The following CACNA1E variants were observed in gnomAD, a reference collection of about 807,000 sequenced individuals.
The protein encoded by CACNA1E is calcium voltage-gated channel subunit alpha1 E, also known as voltage-dependent R-type calcium channel subunit alpha-1E.
CACNA1E carries 40 observed loss-of-function variants against 259.2 expected under a neutral mutation model. The ratio of observed to expected loss-of-function variants is 0.15; its 90% CI spans 0.12 to 0.20. The LOEUF is 0.20. Ranked by LOEUF, CACNA1E falls within the 10% of genes least tolerant of loss-of-function variation. CACNA1E has a pLI of 1.00. For synonymous variants in CACNA1E, 1,104 were observed against 1,138.5 expected (o/e 0.97, Z 0.61); for missense variants, 1,874 against 3,040.1 (o/e 0.62, Z 9.02).
rs148344403 is a variant in CACNA1E at position 181,457,609 on chromosome 1, CACA to C, written c.435-26130_435-26128del. On this transcript the variant is annotated intron_variant, in intron 2 of 11. Transcript: ENST00000524607. ...AGCCTAGCAGATTTCATGTGCTAGG[CACA>C]ACAAGCAGGGCTGGCAGCCATAGCT... 7.0e-3 allele frequency among the ~76,000 whole-genome samples: 1,064 copies of C among 152,244 alleles called. 14 individuals carry two copies. The highest frequency in any genetic ancestry group is 0.022 in the African/African-American group (899 of 41,528).
intron 7 of CACNA1E, among the ~76,000 whole-genome samples, chr1:181,694,262 G>A (rs7534843): frequency 0.16 from 23,902 of 152,150 alleles, 2,010 homozygotes; most frequent in South Asian, 0.25. Context: ...AAAGCATACA[G>A]CACCTTAATA....
intron 7 of CACNA1E, among the ~76,000 whole-genome samples, chr1:181,656,750 G>C (rs1659239544): frequency 2.0e-5 from 3 of 152,028 alleles, no homozygotes; most frequent in Non-Finnish European, 2.9e-5. Context: ...AGTGCTCTAC[G>C]GTGTACCATT....
At chr1:181,329,748 T>C (rs1651094539) in intron 1 of CACNA1E, among the ~76,000 whole-genome samples, 2 of 152,186 alleles carry the variant, frequency 1.3e-5, no homozygotes. Flanking sequence ...TATAGCATCC[T>C]ACAGTTTTAT....
intron 6 of CACNA1E, among the ~76,000 whole-genome samples, chr1:181,596,583 TG>T: frequency 6.6e-6 from 1 of 151,718 alleles, no homozygotes; most frequent in Non-Finnish European, 1.5e-5. Context: ...TGTGTGTGTG[TG>T]TGTGTGTGTG....
chr1:181,656,025 C>T (rs771654810), intron 7 of CACNA1E, among the ~76,000 whole-genome samples: 8 of 152,026 alleles, frequency 5.3e-5, no homozygotes, highest in South Asian at 2.1e-4. Flanking sequence ...GTTGTGGTGA[C>T]GCTGGTGTAA....
intron 2 of CACNA1E, among the ~76,000 whole-genome samples, chr1:181,478,413 T>C (rs1663005688): frequency 1.3e-5 from 2 of 152,146 alleles, no homozygotes; most frequent in Non-Finnish European, 2.9e-5. Flanking sequence ...GCCACCAGAC[T>C]CCCAAGATGT....
At chr1:181,558,590 C>A (rs1156561344) in intron 3 of CACNA1E, among the ~76,000 whole-genome samples, 2 of 152,136 alleles carry the variant, frequency 1.3e-5, no homozygotes, top group Non-Finnish European at 2.9e-5. Context: ...AATGTGAAAG[C>A]TGGGCACCTG....
intron 1 of CACNA1E, among the ~76,000 whole-genome samples, chr1:181,347,756 C>T (rs1205071556): frequency 6.6e-6 from 1 of 152,246 alleles, no homozygotes; most frequent in African/African-American, 2.4e-5. Flanking sequence ...AAGTGGGCCT[C>T]AGCCTGCTGG....
intron 3 of CACNA1E, among the ~76,000 whole-genome samples, chr1:181,530,650 T>C (rs1382447924): frequency 6.6e-6 from 1 of 152,244 alleles, no homozygotes; most frequent in African/African-American, 2.4e-5. Context: ...CTAAATGGAA[T>C]GGCATATGTG....
intron 25 of CACNA1E, among the ~76,000 whole-genome samples, chr1:181,740,989 C>T (rs1656517683): frequency 6.6e-6 from 1 of 152,182 alleles, no homozygotes; most frequent in East Asian, 1.9e-4. Context: ...CCTAAGGAGA[C>T]CCACCTTTTT....
At position 181,791,237 on chromosome 1, in the gene CACNA1E, C is replaced by T. The variant is rs373452999; in HGVS notation, c.5898+681C>T. Among the ~76,000 whole-genome samples, 3 of 152,288 alleles carry T rather than the reference C, an allele frequency of 2.0e-5. No homozygotes were observed. The East Asian group carries it at 5.8e-4, about 29-fold the overall frequency. Reference sequence around the variant, plus strand: ...CTGTAATCCCAGTACTTTGGGAGGCCAAGGCGGGCAGATCATGAGGTCAGG... The same window carrying T: ...CTGTAATCCCAGTACTTTGGGAGGCTAAGGCGGGCAGATCATGAGGTCAGG... On this transcript the variant is annotated intron_variant, in intron 44 of 47. Transcript: ENST00000367573.
chr1:181,789,151 G>A (rs559832705), intron 43 of CACNA1E, among the ~76,000 whole-genome samples: 1 of 152,360 alleles, frequency 6.6e-6, no homozygotes, highest in South Asian at 2.1e-4. Context: ...GTGAAACACA[G>A]TGCAAAGCCG....
rs397861970 is a variant in CACNA1E, at chr1:181,590,401, C to CA, written c.951+9641dup. On this transcript the variant is annotated intron_variant, in intron 6 of 47. Transcript: ENST00000367573. ...GGCAGCAGAGTAGTGGAGTCAATTA[C>CA]AAAAAAAAAAAAAAAATATATATAT... is the stretch of plus-strand genomic sequence containing the variant. 9.0e-3 allele frequency among the ~76,000 whole-genome samples: 1,062 copies of CA among 118,536 alleles called. 14 individuals carry two copies. Among genetic ancestry groups the CA allele is most frequent in the African/African-American group, 0.025 (769 of 30,844 alleles). 77.8% of individuals were successfully genotyped at this position (118,536 alleles called of 152,430 possible). A position where few individuals can be genotyped will look rare whatever the true frequency, so the allele number is the denominator to read the frequency against.
At chr1:181,423,355 C>A (rs1215515082) in intron 2 of CACNA1E, among the ~76,000 whole-genome samples, 1 of 152,142 alleles carries the variant, frequency 6.6e-6, no homozygotes, top group African/African-American at 2.4e-5. Flanking sequence ...TATTATTATT[C>A]ATCTGGTCTA....
rs535137567 is a variant in CACNA1E, at chr1:181,701,131, T to C, written c.1056-9823T>C. The stretch of plus-strand genomic sequence containing the variant: ...ATGTTTAACAAAGGAATGTGGGAAA[T>C]GCAAAACTTTTTACAAAGGGGAAAG... On this transcript the variant is annotated intron_variant, in intron 7 of 47. Coordinates refer to ENST00000367573, the MANE Select transcript of CACNA1E (RefSeq NM_001205293.3). Among the ~76,000 whole-genome samples, 71 of 152,252 alleles carry C rather than the reference T, an allele frequency of 4.7e-4. 1 individual carries two copies. The highest frequency in any genetic ancestry group is 1.7e-3 in the African/African-American group (71 of 41,518).
At position 181,580,600 on chromosome 1, in the gene CACNA1E, C is replaced by T; in HGVS notation, c.775C>T (p.Leu259=). 6.2e-7 allele frequency: 1 copy of T among 1,613,894 alleles called. No individual in the cohort carries two copies. The highest frequency in any genetic ancestry group is 2.2e-5 in the East Asian group (1 of 44,888). ...CCCTCCAAATGTGTCTGCAGGTATT[C>T]TAGAAGGATTTGACCCCCCTCACCC... ...RACFMNNSGI[L]EGFDPPHPCG... Residue 259 remains leucine (L), a synonymous_variant, in exon 6 of 48, where the codon CTA becomes TTA. Transcript: ENST00000367573.
intron 1 of CACNA1E, among the ~76,000 whole-genome samples, chr1:181,505,689 T>C (rs866257475): frequency 6.8e-4 from 103 of 152,082 alleles, no homozygotes; most frequent in African/African-American, 2.4e-3. Context: ...TTTTTTTTTT[T>C]AAACATGAAA....
At chr1:181,562,070 G>T in intron 3 of CACNA1E, among the ~76,000 whole-genome samples, 1 of 151,474 alleles carries the variant, frequency 6.6e-6, no homozygotes, top group Non-Finnish European at 1.5e-5. Flanking sequence ...ACTTCTTTTG[G>T]CCATTTTTTA....
Position 181,647,663 on chromosome 1 carries a change from G to A in CACNA1E, c.952-3675G>A, listed in dbSNP as rs538123904. ...CTTGAGTCATTGTCTCTCCTACACT[G>A]GACAATTTTGTTTTAATAATGATGA... is the stretch of plus-strand genomic sequence containing the variant. On this transcript the variant is annotated intron_variant, in intron 6 of 47. Transcript: ENST00000367573. Among the ~76,000 whole-genome samples the A allele has an allele frequency of 2.0e-5, 3 of 152,232 alleles. No homozygotes were observed. The South Asian group carries it at 6.2e-4, about 32-fold the overall frequency.
Sources: gnomAD v4.1 joint callset for allele counts (sites outside exome capture counted in the v4.1 genomes callset) on GRCh38, gnomAD v4.1.1 for gene constraint, MANE v1.5 for transcripts, NCBI Gene and HGNC (gene_info 2026-07-23, HGNC 2026-07-21) for gene names.